NCOA2: variants seen among roughly 807,000 people sequenced by gnomAD.
NCOA2 encodes nuclear receptor coactivator 2.
In NCOA2, 21 loss-of-function variants were observed where a neutral mutation model predicts 145.1. The ratio of observed to expected loss-of-function variants is 0.14; its 90% CI spans 0.10 to 0.21. The LOEUF (loss-of-function observed/expected upper bound fraction) is 0.21. Among genes scored for constraint, NCOA2 ranks in the 10% least tolerant of loss-of-function variants. The pLI is 1.00. For missense variants in NCOA2, 1,472 were observed against 1,837.6 expected (o/e 0.80, Z 3.64); for synonymous variants, 619 against 637.5 (o/e 0.97, Z 0.44).
chr8:70,203,680 T>C (rs1033341701), intron 4 of NCOA2, among the ~76,000 whole-genome samples: 5 of 152,184 alleles, frequency 3.3e-5, no homozygotes, highest in Non-Finnish European at 7.3e-5. Flanking sequence ...TGCTCTTATA[T>C]CTTTTGTTTA....
chr8:70,122,134 C>T (rs187563801), intron 21 of NCOA2, among the ~76,000 whole-genome samples: 2 of 152,294 alleles, frequency 1.3e-5, no homozygotes, highest in African/African-American at 2.4e-5. Flanking sequence ...TTACTTTGTA[C>T]GCTTTTCCTC....
At chr8:70,443,970 T>A in the NCOA2 span, among the ~76,000 whole-genome samples, 1 of 152,168 alleles carries the variant, frequency 6.6e-6, no homozygotes, top group Non-Finnish European at 1.5e-5. Context: ...CACACACGCG[T>A]GCTTGCACAC....
chr8:70,286,478 T>TG (rs766109804), intron 2 of NCOA2, among the ~76,000 whole-genome samples: 42 of 152,212 alleles, frequency 2.8e-4, no homozygotes, highest in Non-Finnish European at 5.0e-4. Context: ...GACTTAACCG[T>TG]GAGCTACAAT....
At chr8:70,363,321 T>C (rs752354143) in intron 1 of NCOA2, among the ~76,000 whole-genome samples, 86 of 151,198 alleles carry the variant, frequency 5.7e-4, no homozygotes, top group Non-Finnish European at 1.0e-3. Flanking sequence ...AGGCAGAGCT[T>C]GCAGTAAGCA....
chr8:70,197,923 T>C (rs1817506192), intron 4 of NCOA2, among the ~76,000 whole-genome samples: 1 of 151,982 alleles, frequency 6.6e-6, no homozygotes, highest in Non-Finnish European at 1.5e-5. Flanking sequence ...CTCAGCCTCT[T>C]GAGTAGCTAG....
At chr8:70,405,266 G>GT (rs1814715436), upstream of NCOA2, among the ~76,000 whole-genome samples, 2 of 152,046 alleles carry the variant, frequency 1.3e-5, no homozygotes, top group South Asian at 4.1e-4. Context: ...TGTGGGGTGT[G>GT]TGTGTCTGTG....
chr8:70,198,232 T>G (rs1450363708), intron 4 of NCOA2, among the ~76,000 whole-genome samples: 1 of 152,248 alleles, frequency 6.6e-6, no homozygotes. Flanking sequence ...GAGTTTTTTG[T>G]GTTTTGTTGT....
At position 70,174,642 on chromosome 8, in the gene NCOA2, ATAGTAC is replaced by A. The variant is rs1304583396; in HGVS notation, c.363+108_363+113del. 12 of 975,030 alleles carry A rather than the reference ATAGTAC, an allele frequency of 1.2e-5. No homozygotes were observed. In the African/African-American group the frequency reaches 1.3e-4, roughly 10 times the overall value. The allele number at this position is 975,030 out of a possible 1,614,324, so 60.4% of individuals were successfully genotyped here. A position where few individuals can be genotyped will look rare whatever the true frequency, so the allele number is the denominator to read the frequency against. ...GCATATCAGCAAGCTCAAGAGGTCCATAGTACTAGTACTAGTGTGGATTCTCCTTAA... is the reference window on the plus strand; with the variant it reads ...GCATATCAGCAAGCTCAAGAGGTCCATAGTACTAGTGTGGATTCTCCTTAA... On this transcript the variant is annotated intron_variant, in intron 5 of 22. Coordinates refer to ENST00000452400, the MANE Select transcript of NCOA2 (RefSeq NM_006540.4).
intron 8 of NCOA2, 142 bp downstream of exon 8, chr8:70,163,323 C>T (rs1317877292): frequency 3.2e-6 from 2 of 633,086 alleles, no homozygotes; most frequent in Non-Finnish European, 5.6e-6. Context: ...TCTCTCCGGT[C>T]CTCCAACTCC....
Position 70,141,366 on chromosome 8 carries a change from A to C in NCOA2, c.2846T>G (p.Met949Arg), listed in dbSNP as rs758494318. 6.2e-7 allele frequency: 1 copy of C among 1,613,938 alleles called. No individual in the cohort carries two copies. The highest frequency in any genetic ancestry group is 8.5e-7 in the Non-Finnish European group (1 of 1,179,866). Residue 949 changes from methionine to arginine, a missense_variant, in exon 14 of 23, where the codon ATG (methionine) becomes AGG (arginine). Transcript: ENST00000452400. ...CTGCGGTGCCCATTCTCCAGATGGC[A>C]TAGTAGGCCGAGAAGCACTGTTACC... ...MIGNSASRPT[M>R]PSGEWAPQSS...
At chr8:70,322,523 C>T (rs997725560) in intron 1 of NCOA2, among the ~76,000 whole-genome samples, 2 of 152,096 alleles carry the variant, frequency 1.3e-5, no homozygotes, top group African/African-American at 2.4e-5. Flanking sequence ...GATTTCAGTA[C>T]AGTTCTTCCT....
intron 2 of NCOA2, among the ~76,000 whole-genome samples, chr8:70,245,528 T>C (rs938534620): frequency 6.6e-6 from 1 of 152,058 alleles, no homozygotes; most frequent in South Asian, 2.1e-4. Flanking sequence ...TCCCTCTCTC[T>C]CCCTCTCCTT....
intron 1 of NCOA2, among the ~76,000 whole-genome samples, chr8:70,331,951 C>A (rs1420262727): frequency 6.6e-6 from 1 of 152,060 alleles, no homozygotes; most frequent in African/African-American, 2.4e-5. Flanking sequence ...ATGCAAAGTA[C>A]CCTCAAGGTC....
the NCOA2 span, among the ~76,000 whole-genome samples, chr8:70,431,279 G>C: frequency 1.3e-5 from 2 of 151,978 alleles, no homozygotes; most frequent in Non-Finnish European, 2.9e-5. Flanking sequence ...TGAACTTGGA[G>C]GGTTCGCTTT....
intron 10 of NCOA2, 120 bp from the exon 11 acceptor site, chr8:70,157,360 T>C (rs1023607517): frequency 6.7e-6 from 6 of 896,632 alleles, no homozygotes; most frequent in African/African-American, 3.4e-5. Flanking sequence ...ATTTTAAGGA[T>C]AGATAATACT....
chr8:70,149,435 TG>T (rs1410794130), intron 11 of NCOA2, among the ~76,000 whole-genome samples: 15 of 150,426 alleles, frequency 1.0e-4, no homozygotes, highest in Non-Finnish European at 2.2e-4. Flanking sequence ...TTTTTAGAGA[TG>T]GGGGTCTCAT....
intron 1 of NCOA2, among the ~76,000 whole-genome samples, chr8:70,379,020 C>T: frequency 6.6e-6 from 1 of 152,094 alleles, no homozygotes; most frequent in Non-Finnish European, 1.5e-5. Context: ...ATGCTTGATG[C>T]CTTCCTCTCC....
intron 1 of NCOA2, among the ~76,000 whole-genome samples, chr8:70,396,494 G>A (rs1369709139): frequency 1.3e-5 from 2 of 152,190 alleles, no homozygotes; most frequent in African/African-American, 4.8e-5. Context: ...GCTACAGTAA[G>A]AAACATACAA....
At chr8:70,246,192 A>C (rs1822606484) in intron 2 of NCOA2, among the ~76,000 whole-genome samples, 1 of 152,116 alleles carries the variant, frequency 6.6e-6, no homozygotes, top group Non-Finnish European at 1.5e-5. Flanking sequence ...AAATGTCCTT[A>C]GTAACAAGTA....
Sources: gnomAD v4.1 joint callset for allele counts (sites outside exome capture counted in the v4.1 genomes callset) on GRCh38, gnomAD v4.1.1 for gene constraint, MANE v1.5 for transcripts, NCBI Gene and HGNC (gene_info 2026-07-23, HGNC 2026-07-21) for gene names.